The following SLC45A4 variants were observed in gnomAD, a reference collection of about 807,000 sequenced individuals.
SLC45A4 encodes the protein polyamine-transporter SLC45A4.
SLC45A4 carries 32 observed loss-of-function variants against 63.7 expected under a neutral mutation model. The observed-to-expected ratio is 0.50, with a 90% CI of 0.38 to 0.67. The LOEUF (loss-of-function observed/expected upper bound fraction) is 0.67. Ranked by LOEUF, SLC45A4 falls within the 30% of genes least tolerant of loss-of-function variation. SLC45A4 has a pLI of 0.00. For missense variants in SLC45A4, 1,027 were observed against 1,157.7 expected, an observed-to-expected ratio of 0.89 and a Z score of 1.64; for synonymous variants, 535 against 510.0, an observed-to-expected ratio of 1.05 and a Z score of -0.66.
At chr8:141,222,104 T>TGA (rs57014294) in intron 2 of SLC45A4, among the ~76,000 whole-genome samples, 148,992 of 152,324 alleles carry the variant, frequency 0.98, 72,909 homozygotes, top group East Asian at 1. Context: ...GACACAGGGC[T>TGA]GAGCCCCTCC....
At chr8:141,270,124 T>C (rs1184909128) in intron 1 of SLC45A4, among the ~76,000 whole-genome samples, 1 of 152,108 alleles carries the variant, frequency 6.6e-6, no homozygotes, top group East Asian at 1.9e-4. Context: ...GCAGTTGGAC[T>C]ACCTCTGGGT....
intron 1 of SLC45A4, among the ~76,000 whole-genome samples, chr8:141,298,961 C>T (rs895381018): frequency 3.9e-5 from 6 of 152,172 alleles, no homozygotes; most frequent in Admixed American, 2.6e-4. Flanking sequence ...TGCACTAGGC[C>T]GGCCGTATCC....
At chr8:141,296,324 G>T (rs1187286061) in intron 1 of SLC45A4, among the ~76,000 whole-genome samples, 1 of 151,674 alleles carries the variant, frequency 6.6e-6, no homozygotes, top group Non-Finnish European at 1.5e-5. Flanking sequence ...AACAGAGTGA[G>T]ACCCTGTTTC....
rs192940345 is a variant in SLC45A4 at position 141,229,363 on chromosome 8, G to A, written c.242-7598C>T. Among the ~76,000 whole-genome samples, 192 of 152,110 alleles carry A rather than the reference G, an allele frequency of 1.3e-3. 1 individual carries two copies. The highest frequency in any genetic ancestry group is 6.8e-3 in the Middle Eastern group (2 of 294). ...CTGGCTGGACAGCCCATGCCAGACC[G>A]CTTCCCTCTCCACACCAGACTCCAA... On this transcript the variant is annotated intron_variant, in intron 2 of 8. Transcript: ENST00000517878. This position sits in a 1 kb window ranked among gnomAD's most constrained non-coding sequence, Gnocchi z 5.0.
intron 1 of SLC45A4, among the ~76,000 whole-genome samples, chr8:141,265,503 T>G (rs879626662): frequency 6.6e-6 from 1 of 152,206 alleles, no homozygotes; most frequent in Non-Finnish European, 1.5e-5. Context: ...GTCACTTTCT[T>G]AGAGCAAGCA....
intron 2 of SLC45A4, among the ~76,000 whole-genome samples, chr8:141,239,761 C>T (rs1827813601): frequency 6.6e-6 from 1 of 152,198 alleles, no homozygotes; most frequent in African/African-American, 2.4e-5. Context: ...CGCTGAGTTC[C>T]TAAGAAGGGC....
At chr8:141,246,172 G>A (rs1222947133) in intron 2 of SLC45A4, among the ~76,000 whole-genome samples, 1 of 152,168 alleles carries the variant, frequency 6.6e-6, no homozygotes, top group Non-Finnish European at 1.5e-5. Flanking sequence ...TGAGACAACG[G>A]GAAAAATTCC....
At chr8:141,266,062 T>C (rs1829252065) in intron 1 of SLC45A4, among the ~76,000 whole-genome samples, 1 of 152,228 alleles carries the variant, frequency 6.6e-6, no homozygotes, top group Non-Finnish European at 1.5e-5. Flanking sequence ...GGAGAGTTGC[T>C]GCTGACACAC....
In SLC45A4 at chr8:141,256,706, TC is replaced by T. The variant is rs558784083; in HGVS notation, c.-400-2078del. On this transcript the variant is annotated intron_variant, in intron 1 of 8. Transcript: ENST00000517878. The surrounding 1 kb of genome is among the most constrained non-coding windows in gnomAD (Gnocchi z 4.3). ...GCTACCTATGTATTTGCTTCTTACG[TC>T]CCCTGAACGTCGCTACGATTCCACA... 4.4e-3 allele frequency: 1,958 copies of T among 442,640 alleles called. 8 individuals are homozygous for T. Among genetic ancestry groups the T allele is most frequent in the Admixed American group, 9.1e-3 (384 of 42,120 alleles). The allele number at this position is 442,640 out of a possible 1,614,324, so 27.4% of individuals were successfully genotyped here.
Position 141,213,967 on chromosome 8 carries a change from G to A in SLC45A4, c.1942-1411C>T, listed in dbSNP as rs1763705946. Among the ~76,000 whole-genome samples, 3 of 152,160 alleles carry A rather than the reference G, an allele frequency of 2.0e-5. No homozygotes were observed. In the South Asian group the frequency reaches 6.2e-4, roughly 32 times the overall value. ...TCCACCTGTAATCCCAGCACCTTGGGAGGCCGAGACGGGTGGATCACCTGA... is the reference window on the plus strand; with the variant it reads ...TCCACCTGTAATCCCAGCACCTTGGAAGGCCGAGACGGGTGGATCACCTGA... On this transcript the variant is annotated intron_variant, in intron 7 of 8. Coordinates refer to ENST00000517878, the MANE Select transcript of SLC45A4 (RefSeq NM_001286646.2).
chr8:141,304,121 C>A (rs1484157363), intron 1 of SLC45A4, among the ~76,000 whole-genome samples: 1 of 152,150 alleles, frequency 6.6e-6, no homozygotes, highest in Non-Finnish European at 1.5e-5. Flanking sequence ...ACAGCCCAGC[C>A]CCTCTAACTT....
intron 1 of SLC45A4, among the ~76,000 whole-genome samples, chr8:141,274,752 T>C (rs1335416825): frequency 5.3e-5 from 8 of 152,320 alleles, no homozygotes. Flanking sequence ...TCACCTCTAC[T>C]ACTTGCTGGA....
chr8:141,235,900 G>A (rs7002356), intron 2 of SLC45A4, among the ~76,000 whole-genome samples: 13,160 of 152,050 alleles, frequency 0.087, 651 homozygotes, highest in East Asian at 0.22. Flanking sequence ...TCAGGAGTTC[G>A]AGACCAGCCT....
chr8:141,211,341 A>G lies in SLC45A4; in HGVS notation c.*231T>C. 9 of 1,350,324 alleles carry G rather than the reference A, an allele frequency of 6.7e-6. No individual in the cohort carries two copies. Among genetic ancestry groups the G allele is most frequent in the Non-Finnish European group, 9.0e-6 (9 of 1,004,664 alleles). 83.6% of individuals were successfully genotyped at this position (1,350,324 alleles called of 1,614,324 possible). A position where few individuals can be genotyped will look rare whatever the true frequency, so the allele number is the denominator to read the frequency against. The stretch of plus-strand genomic sequence containing the variant: ...GGGTCACATGGCTGGGCGCAGACAC[A>G]CTCACACGCGCACGCAGGAGCTCGT... On this transcript the variant is annotated 3_prime_UTR_variant, in exon 9 of 9. Transcript: ENST00000517878.
rs1413982199 is a variant in SLC45A4 at position 141,262,544 on chromosome 8, A to G, written c.-400-7915T>C. ...AAGAAAAAAAACAACCCCATCAAAA[A>G]GTGGGTGAAGGATATGAACAGACAC... On this transcript the variant is annotated intron_variant, in intron 1 of 8. Coordinates refer to ENST00000517878, the MANE Select transcript of SLC45A4 (RefSeq NM_001286646.2). Among the ~76,000 whole-genome samples the G allele has an allele frequency of 8.6e-3, 1,305 of 152,048 alleles. 18 individuals carry two copies. Among genetic ancestry groups the G allele is most frequent in the African/African-American group, 0.03 (1,242 of 41,512 alleles).
At chr8:141,236,718 T>C (rs985036095) in intron 2 of SLC45A4, among the ~76,000 whole-genome samples, 2 of 152,268 alleles carry the variant, frequency 1.3e-5, no homozygotes, top group African/African-American at 4.8e-5. Context: ...AAACTTACTT[T>C]CACAAAAAGC....
At chr8:141,230,067 A>G (rs1827262599) in intron 2 of SLC45A4, 1 of 456,114 alleles carries the variant, frequency 2.2e-6, no homozygotes, top group African/African-American at 2.0e-5. Context: ...AGTTCTCTGC[A>G]AGTCTACTTA....
intron 2 of SLC45A4, among the ~76,000 whole-genome samples, chr8:141,236,684 A>C (rs1420380077): frequency 6.6e-6 from 1 of 152,230 alleles, no homozygotes; most frequent in Non-Finnish European, 1.5e-5. Flanking sequence ...TTTAATGGCA[A>C]AGTAACTGCC....
At chr8:141,243,271 G>A (rs1357569829) in intron 2 of SLC45A4, among the ~76,000 whole-genome samples, 1 of 152,186 alleles carries the variant, frequency 6.6e-6, no homozygotes, top group East Asian at 1.9e-4. Flanking sequence ...CCTACACAGC[G>A]GTGTGGGGAT....
Sources: gnomAD v4.1 joint callset for allele counts (sites outside exome capture counted in the v4.1 genomes callset) on GRCh38, gnomAD v4.1.1 for gene constraint, Gnocchi (gnomAD v3.1) non-coding constraint, MANE v1.5 for transcripts, NCBI Gene and HGNC (gene_info 2026-07-23, HGNC 2026-07-21) for gene names.